SLC2A9: variants seen among roughly 807,000 people sequenced by gnomAD.
SLC2A9 encodes the protein solute carrier family 2 member 9, also known as solute carrier family 2, facilitated glucose transporter member 9.
A neutral mutation model predicts 50.6 loss-of-function variants in SLC2A9; 39 were observed. The ratio of observed to expected loss-of-function variants is 0.77; its 90% CI spans 0.60 to 1.01. The LOEUF is 1.01. SLC2A9 is among the 50% of genes least tolerant of loss of function. The pLI is 0.00. For synonymous variants in SLC2A9, 324 were observed against 276.9 expected (o/e 1.17, Z -1.69); for missense variants, 686 against 677.6 (o/e 1.01, Z -0.14).
rs1325003289 is a variant in SLC2A9 at position 9,826,388 on chromosome 4, G to A, written c.*9C>T. The stretch of plus-strand genomic sequence containing the variant: ...TGACATAATTGTCCAACGTGGAGGA[G>A]GAAACTTGTTAAGGCCTTCCATTTA... On this transcript the variant is annotated 3_prime_UTR_variant, in exon 12 of 12. Coordinates refer to ENST00000264784, the MANE Select transcript of SLC2A9 (RefSeq NM_020041.3). 1 of 1,613,876 alleles carries A rather than the reference G, an allele frequency of 6.2e-7. No homozygotes were observed. Among genetic ancestry groups the A allele is most frequent in the Admixed American group, 1.7e-5 (1 of 60,026 alleles).
intron 3 of SLC2A9, chr4:9,782,784 C>T: frequency 6.2e-7 from 1 of 1,613,976 alleles, no homozygotes; most frequent in East Asian, 2.2e-5. Context: ...TACCGCATCG[C>T]CCAGGTGCAG....
At chr4:9,984,504 C>T (rs1756391941) in intron 4 of SLC2A9, among the ~76,000 whole-genome samples, 2 of 152,140 alleles carry the variant, frequency 1.3e-5, no homozygotes, top group Non-Finnish European at 2.9e-5. Flanking sequence ...GTATTATTAC[C>T]ACCATTTTAC....
downstream of SLC2A9, among the ~76,000 whole-genome samples, chr4:9,778,049 TTTCTTTCCTTCCTTCCTTCCTTCC>T (rs1271766644): frequency 5.9e-3 from 735 of 124,098 alleles, 12 homozygotes; most frequent in African/African-American, 0.016. Context: ...TCTTTCTTTC[TTTCTTTCCTTCCTTCCTTCCTTCC>T]TTCCTTCCTT....
downstream of SLC2A9, among the ~76,000 whole-genome samples, chr4:9,775,245 G>A (rs1717396166): frequency 6.6e-6 from 1 of 152,172 alleles, no homozygotes; most frequent in Non-Finnish European, 1.5e-5. Context: ...ACTTCTCACA[G>A]CATGGTGGCT....
chr4:9,901,634 A>G (rs1452320571), intron 8 of SLC2A9, among the ~76,000 whole-genome samples: 1 of 152,244 alleles, frequency 6.6e-6, no homozygotes, highest in Non-Finnish European at 1.5e-5. Flanking sequence ...ATGGGAGAAA[A>G]GATTTGCAAA....
chr4:10,018,940 G>A lies in SLC2A9; in HGVS notation c.249+35C>T, dbSNP rs2240721. On this transcript the variant is annotated intron_variant, in intron 2 of 11. Coordinates refer to ENST00000264784, the MANE Select transcript of SLC2A9 (RefSeq NM_020041.3). ...CGCACCCGAAGGTTTCCGCAGGGCCGCAGCGCCCTCTGCCGGGCCTTGGCG... is the reference window on the plus strand; with the variant it reads ...CGCACCCGAAGGTTTCCGCAGGGCCACAGCGCCCTCTGCCGGGCCTTGGCG... 0.53 allele frequency: 811,313 copies of A among 1,543,166 alleles called. 218,181 individuals carry two copies. Among genetic ancestry groups the A allele is most frequent in the South Asian group, 0.6 (50,056 of 83,854 alleles).
chr4:9,934,219 C>G (rs1232770336), intron 6 of SLC2A9, among the ~76,000 whole-genome samples: 1 of 152,170 alleles, frequency 6.6e-6, no homozygotes, highest in African/African-American at 2.4e-5. Flanking sequence ...AATCAAATCC[C>G]CTCTTTGTAC....
chr4:9,808,333 C>T (rs1353530388), intron 3 of SLC2A9, among the ~76,000 whole-genome samples: 9 of 152,196 alleles, frequency 5.9e-5, no homozygotes, highest in South Asian at 2.1e-4. Flanking sequence ...CCTGTCATTA[C>T]GTTGCCTTTG....
chr4:9,843,620 C>T (rs966108913), intron 10 of SLC2A9, among the ~76,000 whole-genome samples: 1 of 152,148 alleles, frequency 6.6e-6, no homozygotes, highest in Non-Finnish European at 1.5e-5. Flanking sequence ...ATTAGTTCAC[C>T]TTTCTGGCTC....
downstream of SLC2A9, among the ~76,000 whole-genome samples, chr4:9,778,317 AC>A (rs1717853865): frequency 1.3e-5 from 2 of 152,002 alleles, no homozygotes; most frequent in African/African-American, 4.8e-5. Flanking sequence ...ACGGGGTTTC[AC>A]CATGTTGGCC....
At chr4:9,813,712 G>C (rs1431133837) in intron 3 of SLC2A9, among the ~76,000 whole-genome samples, 1 of 152,154 alleles carries the variant, frequency 6.6e-6, no homozygotes, top group Admixed American at 6.5e-5. Flanking sequence ...GTGAACACAG[G>C]CTTCTATGGA....
At chr4:10,038,294 G>A (rs750880173) in intron 1 of SLC2A9, among the ~76,000 whole-genome samples, 8 of 151,948 alleles carry the variant, frequency 5.3e-5, no homozygotes, top group Non-Finnish European at 8.8e-5. Flanking sequence ...ATCACTTGAG[G>A]TCAAGGAGTT....
chr4:9,963,790 C>A lies in SLC2A9; in HGVS notation c.681+16802G>T, dbSNP rs1752653566. Among the ~76,000 whole-genome samples, 3 of 152,148 alleles carry A rather than the reference C, an allele frequency of 2.0e-5. No homozygotes were observed. In the South Asian group the frequency reaches 6.2e-4, roughly 32 times the overall value. On this transcript the variant is annotated intron_variant, in intron 5 of 11. Coordinates refer to ENST00000264784, the MANE Select transcript of SLC2A9 (RefSeq NM_020041.3). ...TGGGATGTGGAGTCACAGTGGGATC[C>A]TCTACCTTTTGTGTGTGCAAGAATC...
rs944309387 is a variant in SLC2A9, at chr4:9,906,840, A to G, written c.1113+1395T>C. 9.8e-5 allele frequency among the ~76,000 whole-genome samples: 15 copies of G among 152,392 alleles called. No individual in the cohort carries two copies. The Middle Eastern group carries it at 0.014, about 138-fold the overall frequency. ...TGCAGTCTATAACTTGAGAATAACA[A>G]GAATGAATCTTGTGAAACTTCCAGA... On this transcript the variant is annotated intron_variant, in intron 8 of 11. Coordinates refer to ENST00000264784, the MANE Select transcript of SLC2A9 (RefSeq NM_020041.3).
chr4:9,880,604 A>C, intron 10 of SLC2A9: 1 of 979,742 alleles, frequency 1.0e-6, no homozygotes, highest in Non-Finnish European at 1.2e-6. Flanking sequence ...AACTTCAGGC[A>C]GATATGCAGA....
At chr4:9,858,149 C>T (rs969136835) in intron 10 of SLC2A9, among the ~76,000 whole-genome samples, 3 of 152,118 alleles carry the variant, frequency 2.0e-5, no homozygotes, top group Non-Finnish European at 4.4e-5. Flanking sequence ...GGTTCTGAGA[C>T]ACTAAATTGA....
At chr4:9,891,248 G>C (rs192044896) in intron 8 of SLC2A9, among the ~76,000 whole-genome samples, 1 of 152,134 alleles carries the variant, frequency 6.6e-6, no homozygotes, top group Non-Finnish European at 1.5e-5. Context: ...CTGTGTCCTC[G>C]AAGCCAGCTT....
At chr4:9,996,714 C>T in intron 3 of SLC2A9, 67 bp downstream of exon 3, 1 of 1,583,776 alleles carries the variant, frequency 6.3e-7, no homozygotes, top group Non-Finnish European at 8.6e-7. Context: ...TGTCAGGACC[C>T]TGACAATGAC....
chr4:9,949,637 T>C (rs1252060759), intron 5 of SLC2A9, among the ~76,000 whole-genome samples: 2 of 152,238 alleles, frequency 1.3e-5, no homozygotes, highest in African/African-American at 4.8e-5. Context: ...AGATCTGCAG[T>C]TCCTGGAGCA....
Sources: allele counts gnomAD v4.1 joint callset (sites outside exome capture counted in the v4.1 genomes callset), GRCh38; gene constraint gnomAD v4.1.1; transcripts MANE v1.5; gene names NCBI Gene and HGNC (gene_info 2026-07-23, HGNC 2026-07-21).